CRPPA: variants seen among roughly 807,000 people sequenced by gnomAD.
The protein encoded by CRPPA is CDP-L-ribitol pyrophosphorylase A, also known as D-ribitol-5-phosphate cytidylyltransferase.
A neutral mutation model predicts 52.0 loss-of-function variants in CRPPA; 43 were observed. The observed-to-expected ratio is 0.83, with a 90% CI of 0.65 to 1.07. The LOEUF is 1.07. Ranked by LOEUF, CRPPA falls within the 50% of genes least tolerant of loss-of-function variation. CRPPA has a pLI of 0.00. For missense variants in CRPPA, 629 were observed against 551.7 expected, an observed-to-expected ratio of 1.14 and a Z score of -1.40; for synonymous variants, 250 against 203.5, an observed-to-expected ratio of 1.23 and a Z score of -1.94.
chr7:16,160,658 G>C (rs1232314770), intron 9 of CRPPA, among the ~76,000 whole-genome samples: 3 of 152,058 alleles, frequency 2.0e-5, no homozygotes, highest in Admixed American at 2.0e-4. Flanking sequence ...CTCTTTTTTG[G>C]TTCAATATGA....
intron 2 of CRPPA, among the ~76,000 whole-genome samples, chr7:16,382,711 A>G (rs1787134790): frequency 6.6e-6 from 1 of 151,710 alleles, no homozygotes; most frequent in Non-Finnish European, 1.5e-5. Context: ...TTTTTTCTCT[A>G]AACTTCCCTT....
At chr7:16,310,204 G>A (rs1003831064) in intron 3 of CRPPA, among the ~76,000 whole-genome samples, 1 of 151,996 alleles carries the variant, frequency 6.6e-6, no homozygotes, top group Admixed American at 6.6e-5. Flanking sequence ...AAACACACAC[G>A]CAAACAGACA....
intron 8 of CRPPA, among the ~76,000 whole-genome samples, chr7:16,248,648 C>T (rs903199493): frequency 5.3e-5 from 8 of 152,170 alleles, no homozygotes; most frequent in African/African-American, 1.7e-4. Flanking sequence ...GCAAGATCCA[C>T]GCGGAAGGCA....
intron 9 of CRPPA, among the ~76,000 whole-genome samples, chr7:16,168,962 A>G (rs908056328): frequency 6.6e-6 from 1 of 151,972 alleles, no homozygotes; most frequent in African/African-American, 2.4e-5. Flanking sequence ...ACAACCCTAC[A>G]CTCTTAAGGA....
At chr7:16,100,482 T>A (rs1782022569) in intron 9 of CRPPA, among the ~76,000 whole-genome samples, 1 of 152,226 alleles carries the variant, frequency 6.6e-6, no homozygotes, top group African/African-American at 2.4e-5. Flanking sequence ...AATAATTGGC[T>A]AATTAACTCT....
chr7:16,415,825 G>A (rs1788179644), intron 1 of CRPPA, among the ~76,000 whole-genome samples: 1 of 152,134 alleles, frequency 6.6e-6, no homozygotes, highest in Admixed American at 6.5e-5. Context: ...ACAAATGTAT[G>A]TGTAAGTGGC....
chr7:16,089,304 A>ATG lies in CRPPA; in HGVS notation c.*2389_*2390dup, dbSNP rs1395463243. On this transcript the variant is annotated 3_prime_UTR_variant, in exon 10 of 10. Coordinates refer to ENST00000407010, the MANE Select transcript of CRPPA (RefSeq NM_001101426.4). ...TGTGTATGCGTACGTATATACATATATGTGTGTATGCGTACGTATATAAAT... is the reference window on the plus strand; with the variant it reads ...TGTGTATGCGTACGTATATACATATATGTGTGTGTATGCGTACGTATATAAAT... 3 of 396,840 alleles carry ATG rather than the reference A, an allele frequency of 7.6e-6. No individual in the cohort carries two copies. The highest frequency in any genetic ancestry group is 7.4e-5 in the Admixed American group (3 of 40,680). 24.6% of individuals were successfully genotyped at this position (396,840 alleles called of 1,614,324 possible).
At chr7:16,414,596 T>G (rs185104807) in intron 1 of CRPPA, among the ~76,000 whole-genome samples, 1 of 152,206 alleles carries the variant, frequency 6.6e-6, no homozygotes, top group African/African-American at 2.4e-5. Flanking sequence ...TGTCATCTGA[T>G]TTCTTGGAGC....
intron 5 of CRPPA, among the ~76,000 whole-genome samples, chr7:16,291,963 T>G (rs1784573526): frequency 6.6e-6 from 1 of 151,894 alleles, no homozygotes; most frequent in African/African-American, 2.4e-5. Flanking sequence ...CATCTGGAAG[T>G]AGAAAATTTC....
At chr7:16,323,357 C>T (rs1785305368) in intron 3 of CRPPA, among the ~76,000 whole-genome samples, 1 of 152,092 alleles carries the variant, frequency 6.6e-6, no homozygotes, top group Admixed American at 6.5e-5. Flanking sequence ...ATTTCCCCAC[C>T]CCTTGATTTT....
In CRPPA at chr7:16,172,408, G is replaced by A. The variant is rs148399231; in HGVS notation, c.1251+43658C>T. 6.2e-3 allele frequency among the ~76,000 whole-genome samples: 937 copies of A among 152,238 alleles called. 2 individuals carry two copies. Among genetic ancestry groups the A allele is most frequent in the Non-Finnish European group, 9.9e-3 (671 of 68,014 alleles). On this transcript the variant is annotated intron_variant, in intron 9 of 9. Coordinates refer to ENST00000407010, the MANE Select transcript of CRPPA (RefSeq NM_001101426.4). The stretch of plus-strand genomic sequence containing the variant: ...AAAAATGGTAAAGAGCAGAGGGCCC[G>A]TGTGTCCTGCAATACAGGGAGTCTA...
In CRPPA at chr7:16,091,788, C is replaced by G. The variant is rs764406816; in HGVS notation, c.1263G>C (p.Lys421Asn). ...LLISYPQDDQ[K>N]LQESLRQGAI... ...CACCTTGCCTTAAACTCTCCTGTAG[C>G]TTCTGATCATCCTGAAAAGAAAGGA... Residue 421 changes from lysine (K) to asparagine (N), a missense_variant, in exon 10 of 10, where the codon AAG (lysine) becomes AAC (asparagine). Transcript: ENST00000407010. 3 of 1,514,150 alleles carry G rather than the reference C, an allele frequency of 2.0e-6. No homozygotes were observed. The South Asian group carries it at 3.9e-5, about 20-fold the overall frequency. The allele number at this position is 1,514,150 out of a possible 1,614,324, so 93.8% of individuals were successfully genotyped here.
chr7:16,235,365 T>C (rs1373634358), intron 8 of CRPPA, among the ~76,000 whole-genome samples: 3 of 152,114 alleles, frequency 2.0e-5, no homozygotes, highest in African/African-American at 4.8e-5. Flanking sequence ...AGTGCATGTC[T>C]GTTAAAGAAA....
chr7:16,182,101 G>T (rs1036763593), intron 9 of CRPPA, among the ~76,000 whole-genome samples: 3 of 151,922 alleles, frequency 2.0e-5, no homozygotes, highest in African/African-American at 7.2e-5. Flanking sequence ...TACGTAGTCT[G>T]CATTTGCTTT....
intron 8 of CRPPA, among the ~76,000 whole-genome samples, chr7:16,224,328 A>G (rs1043187693): frequency 6.6e-6 from 1 of 152,218 alleles, no homozygotes. Flanking sequence ...TTAAAGGACT[A>G]TAAGTAAGTA....
intron 9 of CRPPA, chr7:16,209,012 T>C (rs1175595197): frequency 2.3e-6 from 1 of 433,158 alleles, no homozygotes; most frequent in Non-Finnish European, 4.6e-6. Flanking sequence ...CCCCATGAAG[T>C]GACACAGGGC....
intron 9 of CRPPA, among the ~76,000 whole-genome samples, chr7:16,187,216 A>G (rs527401946): frequency 1.3e-5 from 2 of 152,294 alleles, no homozygotes; most frequent in African/African-American, 2.4e-5. Context: ...ACTTAGGCCC[A>G]TTAAGCATAT....
At chr7:16,210,721 G>C (rs973351488) in intron 9 of CRPPA, 1 of 152,064 alleles carries the variant, frequency 6.6e-6, no homozygotes, top group Non-Finnish European at 1.5e-5. Flanking sequence ...GGGTTATATA[G>C]TAATAGCTAA....
intron 9 of CRPPA, among the ~76,000 whole-genome samples, chr7:16,098,789 A>G (rs775271673): frequency 2.8e-4 from 42 of 152,214 alleles, no homozygotes; most frequent in Non-Finnish European, 4.3e-4. Context: ...CCTAGTGGAG[A>G]TGAAAATAAC....
Sources: gnomAD v4.1 joint callset for allele counts (sites outside exome capture counted in the v4.1 genomes callset) on GRCh38, gnomAD v4.1.1 for gene constraint, MANE v1.5 for transcripts, NCBI Gene and HGNC (gene_info 2026-07-23, HGNC 2026-07-21) for gene names.